GAS6: variants seen among roughly 807,000 people sequenced by gnomAD.
The protein encoded by GAS6 is growth arrest-specific protein 6.
Under a neutral mutation model 75.8 loss-of-function variants are expected in GAS6, and 41 were observed. That is an observed-to-expected ratio of 0.54 (90% CI 0.42 to 0.70). The LOEUF is 0.70. Among genes scored for constraint, GAS6 ranks in the 30% least tolerant of loss-of-function variants. The pLI, the probability that GAS6 is intolerant of heterozygous loss-of-function variation, is 0.00. For missense variants in GAS6, 854 were observed against 940.2 expected (o/e 0.91, Z 1.20); for synonymous variants, 432 against 412.6 (o/e 1.05, Z -0.57).
At chr13:113,853,880 T>A (rs1183732061) in intron 2 of GAS6, among the ~76,000 whole-genome samples, 1 of 152,108 alleles carries the variant, frequency 6.6e-6, no homozygotes, top group East Asian at 1.9e-4. Context: ...AAGTGCAAAA[T>A]CCTTTCCTTC....
Position 113,822,198 on chromosome 13 carries a change from C to T in GAS6, c.1654-12G>A, listed in dbSNP as rs1387767535. ...GCCAGGACCACCAGCTGCAGGAGAC[C>T]GAGGTGTGGTCAGGGCCTGCCGGCC... On this transcript the variant is annotated splice_polypyrimidine_tract_variant and intron_variant, in intron 13 of 14. Coordinates refer to ENST00000327773, the MANE Select transcript of GAS6 (RefSeq NM_000820.4). The T allele has an allele frequency of 5.9e-6, 9 of 1,520,646 alleles. No homozygotes were observed. The East Asian group carries it at 1.2e-4, about 20-fold the overall frequency. 94.2% of individuals were successfully genotyped at this position (1,520,646 alleles called of 1,614,324 possible). A position where few individuals can be genotyped will look rare whatever the true frequency, so the allele number is the denominator to read the frequency against.
chr13:113,858,458 C>A (rs1170591001), intron 2 of GAS6, among the ~76,000 whole-genome samples: 1 of 146,630 alleles, frequency 6.8e-6, no homozygotes, highest in Non-Finnish European at 1.5e-5. Flanking sequence ...CTAGTATGTG[C>A]CTTTGTGTGT....
At chr13:113,851,080 T>G (rs2051869798) in intron 2 of GAS6, among the ~76,000 whole-genome samples, 1 of 151,832 alleles carries the variant, frequency 6.6e-6, no homozygotes, top group Non-Finnish European at 1.5e-5. Context: ...AATGAATGAG[T>G]GGATGGATGA....
At chr13:113,828,746 G>C (rs370186377) in intron 10 of GAS6, 35 bp from the exon 11 acceptor site, 1 of 1,603,620 alleles carries the variant, frequency 6.2e-7, no homozygotes, top group Non-Finnish European at 8.5e-7. Context: ...AAAGATGGGA[G>C]TGCACGTTCT....
At position 113,820,673 on chromosome 13, in the gene GAS6, C is replaced by T. The variant is rs2051441532; in HGVS notation, c.*191G>A. On this transcript the variant is annotated 3_prime_UTR_variant, in exon 15 of 15. Transcript: ENST00000327773. ...TCTGCGCTGCGCCGGCCTCCCCGCG[C>T]CCGGGCCCACGGCTGAGTGCGCGGC... is the stretch of plus-strand genomic sequence containing the variant. 1.6e-6 allele frequency: 1 copy of T among 643,182 alleles called. No individual in the cohort carries two copies. Among genetic ancestry groups the T allele is most frequent in the Non-Finnish European group, 2.6e-6 (1 of 384,554 alleles). 39.8% of individuals were successfully genotyped at this position (643,182 alleles called of 1,614,324 possible). A position where few individuals can be genotyped will look rare whatever the true frequency, so the allele number is the denominator to read the frequency against.
In GAS6 at chr13:113,863,307, G is replaced by A. The variant is rs548791009; in HGVS notation, c.255+268C>T. ...AACCATTGTGTTTCTCTCGCACTTT[G>A]GAAACGGACTCCCGGCTTCCCCGCG... On this transcript the variant is annotated intron_variant, in intron 2 of 14. Transcript: ENST00000327773. The surrounding 1 kb of genome is among the most constrained non-coding windows in gnomAD (Gnocchi z 9.4). Among the ~76,000 whole-genome samples the A allele has an allele frequency of 1.3e-5, 2 of 152,252 alleles. No individual in the cohort carries two copies. The highest frequency in any genetic ancestry group is 4.2e-4 in the South Asian group (2 of 4,818).
At chr13:113,858,879 A>C (rs931837983) in intron 2 of GAS6, among the ~76,000 whole-genome samples, 8 of 135,338 alleles carry the variant, frequency 5.9e-5, no homozygotes, top group Admixed American at 1.5e-4. Flanking sequence ...GTACATGACT[A>C]TGTAAGTCTA....
intron 10 of GAS6, among the ~76,000 whole-genome samples, chr13:113,830,129 T>G (rs566961569): frequency 6.6e-6 from 1 of 152,252 alleles, no homozygotes; most frequent in African/African-American, 2.4e-5. Context: ...ACTATATTCC[T>G]GAGCTTCAGA....
chr13:113,835,807 C>A (rs970545454), intron 6 of GAS6, 172 bp from the exon 7 acceptor site: 9 of 1,428,048 alleles, frequency 6.3e-6, no homozygotes, highest in Non-Finnish European at 8.2e-6. Flanking sequence ...CGGGCAGCTC[C>A]CGGGGTGTTG....
intron 7 of GAS6, 134 bp from the exon 8 acceptor site, chr13:113,834,806 T>C: frequency 3.9e-6 from 4 of 1,033,506 alleles, no homozygotes; most frequent in Non-Finnish European, 5.1e-6. Context: ...CGGGGGCGGC[T>C]TGGGGGTCGC....
At chr13:113,838,247 G>A (rs1175256025) in intron 5 of GAS6, 56 bp from the exon 6 acceptor site, 16 of 1,596,826 alleles carry the variant, frequency 1.0e-5, no homozygotes, top group Middle Eastern at 1.7e-4. Context: ...CCCTGGCTAC[G>A]GTAGGAAGAG....
In GAS6 at chr13:113,820,790, G is replaced by A. The variant is rs1248004424; in HGVS notation, c.*74C>T. ...AGCCCAGCTCTCAGCATGGCCCCACGTGGTGAGGAGCCCCCAGGCTCCTCC... is the reference window on the plus strand; with the variant it reads ...AGCCCAGCTCTCAGCATGGCCCCACATGGTGAGGAGCCCCCAGGCTCCTCC... On this transcript the variant is annotated 3_prime_UTR_variant, in exon 15 of 15. Transcript: ENST00000327773. 7.4e-6 allele frequency: 11 copies of A among 1,495,132 alleles called. No individual in the cohort carries two copies. Among genetic ancestry groups the A allele is most frequent in the East Asian group, 7.1e-5 (3 of 42,218 alleles). The allele number at this position is 1,495,132 out of a possible 1,614,324, so 92.6% of individuals were successfully genotyped here. A position where few individuals can be genotyped will look rare whatever the true frequency, so the allele number is the denominator to read the frequency against.
chr13:113,847,096 C>A (rs114290134), intron 3 of GAS6: 11 of 456,246 alleles, frequency 2.4e-5, no homozygotes, highest in Non-Finnish European at 4.4e-5. Context: ...AGGGATAACC[C>A]GAAGCGTGAG....
chr13:113,854,584 C>T (rs527723636), intron 2 of GAS6, among the ~76,000 whole-genome samples: 4 of 152,370 alleles, frequency 2.6e-5, no homozygotes, highest in South Asian at 2.1e-4. Context: ...AGCATGTGAG[C>T]GTGGACGCAG....
At chr13:113,838,438 C>A (rs1293362536) in intron 5 of GAS6, among the ~76,000 whole-genome samples, 3 of 142,654 alleles carry the variant, frequency 2.1e-5, no homozygotes, top group African/African-American at 7.9e-5. Flanking sequence ...CACAGCCCAG[C>A]CCTGGAGCAG....
intron 12 of GAS6, 89 bp from the exon 13 acceptor site, chr13:113,823,639 AG>A: frequency 7.6e-7 from 1 of 1,317,418 alleles, no homozygotes; most frequent in Non-Finnish European, 1.0e-6. Context: ...ATGCAGTCCC[AG>A]CCGGGGTGGG....
At chr13:113,836,702 GGGGAAT>G (rs2051716815) in intron 6 of GAS6, among the ~76,000 whole-genome samples, 1 of 6,324 alleles carries the variant, frequency 1.6e-4, no homozygotes, top group East Asian at 2.5e-3. Context: ...AGGAAGAAGA[GGGGAAT>G]GAGGAGGAAG....
rs774786719 is a variant in GAS6 at position 113,822,007 on chromosome 13, G to C, written c.1833C>G (p.Leu611=). 3.2e-6 allele frequency: 5 copies of C among 1,557,284 alleles called. No homozygotes were observed. The highest frequency in any genetic ancestry group is 3.5e-6 in the Non-Finnish European group (4 of 1,153,330). ...GCACGGGGCTCCGCAGGTGCCTCTC[G>C]AGCACGGCCAGCCTCTCCTGCAGCT... ...AAQLQERLAV[L]ERHLRSPVLT... The change falls in exon 14 of 15, where the codon CTC becomes CTG. Residue 611 remains leucine, a synonymous_variant. Coordinates refer to ENST00000327773, the MANE Select transcript of GAS6 (RefSeq NM_000820.4).
rs553538369 is a variant in GAS6, at chr13:113,838,551, A to C, written c.467-360T>G. Among the ~76,000 whole-genome samples, 552 of 131,762 alleles carry C rather than the reference A, an allele frequency of 4.2e-3. 3 individuals carry two copies. Among genetic ancestry groups the C allele is most frequent in the Non-Finnish European group, 6.0e-3 (369 of 61,538 alleles). 86.4% of individuals were successfully genotyped at this position (131,762 alleles called of 152,430 possible). Reference sequence around the variant, plus strand: ...GCAGGGAGGGAGCCCGGGGGTGCACAGCCCAGCCCCGGAGCAGGAGGAAGG... The same window carrying C: ...GCAGGGAGGGAGCCCGGGGGTGCACCGCCCAGCCCCGGAGCAGGAGGAAGG... On this transcript the variant is annotated intron_variant, in intron 5 of 14. Coordinates refer to ENST00000327773, the MANE Select transcript of GAS6 (RefSeq NM_000820.4).
Sources: gnomAD v4.1 joint callset for allele counts (sites outside exome capture counted in the v4.1 genomes callset) on GRCh38, gnomAD v4.1.1 for gene constraint, Gnocchi (gnomAD v3.1) non-coding constraint, MANE v1.5 for transcripts, NCBI Gene and HGNC (gene_info 2026-07-23, HGNC 2026-07-21) for gene names.